The following CAST variants were observed in gnomAD, a reference collection of about 807,000 sequenced individuals.
CAST encodes calpastatin.
Under a neutral mutation model 119.6 loss-of-function variants are expected in CAST, and 76 were observed. The observed-to-expected ratio is 0.64, with a 90% confidence interval of 0.53 to 0.77. CAST has a LOEUF of 0.77. CAST is among the 30% of genes least tolerant of loss of function. CAST has a pLI of 0.00. For missense variants in CAST, 953 were observed against 946.5 expected (o/e 1.01, Z -0.09); for synonymous variants, 319 against 331.6 (o/e 0.96, Z 0.41).
intron 3 of CAST, among the ~76,000 whole-genome samples, chr5:96,700,747 A>G (rs147951583): frequency 1.5e-3 from 232 of 152,260 alleles, no homozygotes; most frequent in African/African-American, 5.4e-3. Flanking sequence ...CCAGGATTTC[A>G]TATATTTAAT....
the CAST span, among the ~76,000 whole-genome samples, chr5:96,314,637 GT>G: frequency 1.3e-5 from 2 of 152,132 alleles, no homozygotes; most frequent in African/African-American, 4.8e-5. Flanking sequence ...ATTCTTACTT[GT>G]TCTTCAAGAT....
the CAST span, among the ~76,000 whole-genome samples, chr5:96,004,585 C>A: frequency 6.6e-6 from 1 of 152,078 alleles, no homozygotes; most frequent in Non-Finnish European, 1.5e-5. Context: ...AGGTTTTCTT[C>A]AAGTAGCTTT....
the CAST span, among the ~76,000 whole-genome samples, chr5:96,487,101 T>A: frequency 6.6e-6 from 1 of 151,520 alleles, no homozygotes; most frequent in Middle Eastern, 3.4e-3. Flanking sequence ...AGAGCATCAC[T>A]GTAATCTGTA....
chr5:96,321,270 C>T, the CAST span, among the ~76,000 whole-genome samples: 1 of 152,192 alleles, frequency 6.6e-6, no homozygotes, highest in African/African-American at 2.4e-5. Flanking sequence ...CCTCCCACTC[C>T]TCAGCCTCTT....
chr5:96,209,720 T>A, the CAST span, among the ~76,000 whole-genome samples: 5 of 136,818 alleles, frequency 3.7e-5, no homozygotes, highest in Non-Finnish European at 7.8e-5. Context: ...CCTGTCAAAT[T>A]TCCCTTTGTA....
chr5:96,065,318 G>C, the CAST span, among the ~76,000 whole-genome samples: 72 of 151,990 alleles, frequency 4.7e-4, 2 homozygotes, highest in East Asian at 0.013. Context: ...TTAATGTTGT[G>C]AGGAAAAAAA....
chr5:96,350,954 TA>T, the CAST span, among the ~76,000 whole-genome samples: 1 of 152,182 alleles, frequency 6.6e-6, no homozygotes, highest in Admixed American at 6.6e-5. Context: ...AGAACCTTGG[TA>T]ACCATGTCAT....
intron 1 of CAST, among the ~76,000 whole-genome samples, chr5:96,572,244 A>G (rs1189883331): frequency 1.3e-5 from 2 of 150,350 alleles, no homozygotes. Flanking sequence ...TGTGTCTCCC[A>G]GGCTGGAGTG....
intron 8 of CAST, 86 bp downstream of exon 8, chr5:96,729,811 C>G: frequency 7.0e-6 from 5 of 719,368 alleles, no homozygotes; most frequent in Non-Finnish European, 1.3e-5. Context: ...GTGTGTAGTT[C>G]AATCTATGGG....
chr5:96,169,396 T>C, the CAST span, among the ~76,000 whole-genome samples: 1 of 152,090 alleles, frequency 6.6e-6, no homozygotes, highest in South Asian at 2.1e-4. Flanking sequence ...AATAATGGGT[T>C]GTGGAGGGAG....
chr5:96,300,578 T>G, the CAST span, among the ~76,000 whole-genome samples: 3 of 82,676 alleles, frequency 3.6e-5, no homozygotes, highest in Non-Finnish European at 3.2e-5. Context: ...GCCTTTGCTA[T>G]TTTTTTTTTT....
chr5:96,232,375 CAT>C, the CAST span, among the ~76,000 whole-genome samples: 86 of 152,168 alleles, frequency 5.7e-4, no homozygotes, highest in Middle Eastern at 3.4e-3. Flanking sequence ...AACAAAATAA[CAT>C]AGAACAAATA....
the CAST span, among the ~76,000 whole-genome samples, chr5:96,034,511 G>GCACACACACACACAAA: frequency 1.5e-5 from 1 of 65,662 alleles, no homozygotes; most frequent in African/African-American, 1.0e-4. Context: ...ACACACATAT[G>GCACACACACACACAAA]TGTGTGTGTA....
At chr5:96,476,235 T>C in the CAST span, among the ~76,000 whole-genome samples, 6 of 152,218 alleles carry the variant, frequency 3.9e-5, no homozygotes, top group Admixed American at 3.9e-4. Context: ...CTAGAGAAAG[T>C]AAACTTAATA....
intron 1 of CAST, among the ~76,000 whole-genome samples, chr5:96,561,796 G>GTTTTTTTTGTTT (rs1746371485): frequency 1.0e-5 from 1 of 97,422 alleles, no homozygotes; most frequent in African/African-American, 3.8e-5. Flanking sequence ...GTTTTTTTTT[G>GTTTTTTTTGTTT]TTTTTTTTTT....
intron 1 of CAST, among the ~76,000 whole-genome samples, chr5:96,599,243 G>C (rs1196294601): frequency 6.6e-6 from 1 of 152,100 alleles, no homozygotes; most frequent in African/African-American, 2.4e-5. Flanking sequence ...TCTTAACTTA[G>C]GGGGTGAAAG....
At chr5:96,018,836 T>C in the CAST span, among the ~76,000 whole-genome samples, 1 of 152,236 alleles carries the variant, frequency 6.6e-6, no homozygotes, top group African/African-American at 2.4e-5. Context: ...TCCACTTCAC[T>C]GTAGTTGAGA....
chr5:96,324,344 CCTTAA>C, the CAST span, among the ~76,000 whole-genome samples: 7 of 152,204 alleles, frequency 4.6e-5, no homozygotes, highest in African/African-American at 1.4e-4. Flanking sequence ...AATCTTACTA[CCTTAA>C]CTTATTATTT....
intron 1 of CAST, among the ~76,000 whole-genome samples, chr5:96,619,672 A>T (rs1392643946): frequency 6.6e-6 from 1 of 152,178 alleles, no homozygotes; most frequent in Non-Finnish European, 1.5e-5. Context: ...CCACTAACCC[A>T]CCAGAAGGAA....
Sources: allele counts gnomAD v4.1 joint callset (sites outside exome capture counted in the v4.1 genomes callset), GRCh38; gene constraint gnomAD v4.1.1; transcripts MANE v1.5; gene names NCBI Gene and HGNC (gene_info 2026-07-23, HGNC 2026-07-21).